CTCF: variants seen among roughly 807,000 people sequenced by gnomAD.
The protein encoded by CTCF is CCCTC-binding factor.
A neutral mutation model predicts 72.3 loss-of-function variants in CTCF; 7 were observed. The observed-to-expected ratio is 0.10, with a 90% CI of 0.06 to 0.18. The LOEUF (loss-of-function observed/expected upper bound fraction) is 0.18, where lower values mean the gene tolerates loss of function less well. Among genes scored for constraint, CTCF ranks in the 10% least tolerant of loss-of-function variants. The pLI is 1.00. For missense variants in CTCF, 516 were observed against 949.1 expected, an observed-to-expected ratio of 0.54 and a Z score of 6.00; for synonymous variants, 374 against 315.8, an observed-to-expected ratio of 1.18 and a Z score of -1.95.
At chr16:67,637,064 G>A (rs550518637) in intron 11 of CTCF, among the ~76,000 whole-genome samples, 1 of 152,308 alleles carries the variant, frequency 6.6e-6, no homozygotes, top group East Asian at 1.9e-4. Context: ...TCAAGAAGAA[G>A]TCCAGAGTAG....
At chr16:67,620,108 T>G (rs1240787103) in intron 5 of CTCF, among the ~76,000 whole-genome samples, 1 of 152,212 alleles carries the variant, frequency 6.6e-6, no homozygotes, top group Non-Finnish European at 1.5e-5. Flanking sequence ...GCATGGATTA[T>G]TTTTAAACTA....
intron 2 of CTCF, 115 bp downstream of exon 2, chr16:67,571,379 T>A (rs1206900050): frequency 6.6e-6 from 1 of 152,456 alleles, no homozygotes; most frequent in African/African-American, 2.4e-5. Flanking sequence ...ATCAGGTGAT[T>A]GAGAGCATAC....
chr16:67,612,114 A>G lies in CTCF; in HGVS notation c.945A>G (p.Thr315=), dbSNP rs1197434367. 1 of 1,611,564 alleles carries G rather than the reference A, an allele frequency of 6.2e-7. No homozygotes were observed. Among genetic ancestry groups the G allele is most frequent in the South Asian group, 1.1e-5 (1 of 90,528 alleles). The change falls in exon 4 of 12, where the codon ACA becomes ACG. Residue 315 remains threonine, a synonymous_variant. Transcript: ENST00000264010. ...TVTLLRNHLN[T]HTGTRPHKCP... is the part of the protein sequence containing the mutation. ...CCCTCCTGAGGAATCACCTTAACAC[A>G]CACACAGGTGCTGGATAAGAATGTT...
intron 5 of CTCF, among the ~76,000 whole-genome samples, chr16:67,617,398 C>G: frequency 6.6e-6 from 1 of 152,168 alleles, no homozygotes; most frequent in East Asian, 1.9e-4. Context: ...ACTCGGGAGG[C>G]TGAGGCAGGA....
intron 4 of CTCF, chr16:67,616,265 A>G (rs2052130149): frequency 1.3e-5 from 2 of 153,846 alleles, no homozygotes; most frequent in African/African-American, 4.8e-5. Context: ...GTGTTTTTAA[A>G]AGAAAGTTGC....
At position 67,621,551 on chromosome 16, in the gene CTCF, T is replaced by C; in HGVS notation, c.1317T>C (p.Cys439=). The C allele has an allele frequency of 6.2e-7, 1 of 1,613,208 alleles. No individual in the cohort carries two copies. The highest frequency in any genetic ancestry group is 8.5e-7 in the Non-Finnish European group (1 of 1,179,310). ...CAGAAAATGTGGCCAAATTTCACTGTCCCCACTGTGACACAGTCATAGCCC... is the reference window on the plus strand; with the variant it reads ...CAGAAAATGTGGCCAAATTTCACTGCCCCCACTGTGACACAGTCATAGCCC... The part of the protein sequence containing the change: ...KHTENVAKFH[C]PHCDTVIARK... Residue 439 remains cysteine, a synonymous_variant, in exon 7 of 12, where the codon TGT becomes TGC. Coordinates refer to ENST00000264010, the MANE Select transcript of CTCF (RefSeq NM_006565.4).
chr16:67,638,070 A>G lies in CTCF; in HGVS notation c.*198A>G, dbSNP rs1195376431. 4.8e-5 allele frequency: 27 copies of G among 566,456 alleles called. No individual in the cohort carries two copies. Among genetic ancestry groups the G allele is most frequent in the South Asian group, 3.5e-4 (14 of 39,448 alleles). 35.1% of individuals were successfully genotyped at this position (566,456 alleles called of 1,614,324 possible). A position where few individuals can be genotyped will look rare whatever the true frequency, so the allele number is the denominator to read the frequency against. ...ACTTGCTGTCTGATGTTAGCAAATC[A>G]TGGAATGTTCTGAGTCCCTGAGGGT... On this transcript the variant is annotated 3_prime_UTR_variant, in exon 12 of 12. Coordinates refer to ENST00000264010, the MANE Select transcript of CTCF (RefSeq NM_006565.4).
chr16:67,586,279 G>A (rs1255546430), intron 2 of CTCF, among the ~76,000 whole-genome samples: 1 of 152,066 alleles, frequency 6.6e-6, no homozygotes, highest in African/African-American at 2.4e-5. Flanking sequence ...GCTCACACCT[G>A]TAATCCCAGC....
intron 1 of CTCF, among the ~76,000 whole-genome samples, chr16:67,570,104 T>C (rs1454537068): frequency 6.9e-6 from 1 of 145,914 alleles, no homozygotes; most frequent in African/African-American, 2.6e-5. Flanking sequence ...TGAGACGGAG[T>C]CTCGCTGTGT....
chr16:67,580,763 C>A lies in CTCF; in HGVS notation c.-10+9499C>A, dbSNP rs868177102. Among the ~76,000 whole-genome samples, 4 of 139,462 alleles carry A rather than the reference C, an allele frequency of 2.9e-5. No homozygotes were observed. The South Asian group carries it at 6.4e-4, about 22-fold the overall frequency. 91.5% of individuals were successfully genotyped at this position (139,462 alleles called of 152,430 possible). A position where few individuals can be genotyped will look rare whatever the true frequency, so the allele number is the denominator to read the frequency against. On this transcript the variant is annotated intron_variant, in intron 2 of 11. Coordinates refer to ENST00000264010, the MANE Select transcript of CTCF (RefSeq NM_006565.4). ...TTTAGTAGAGGCACCTGCCCCAACG[C>A]CTGGCCAAATTTTTTTTTTTTTTTT...
chr16:67,611,531 G>A lies in CTCF; in HGVS notation c.699G>A (p.Gln233=), dbSNP rs2052062606. 6.2e-7 allele frequency: 1 copy of A among 1,614,068 alleles called. No homozygotes were observed. The highest frequency in any genetic ancestry group is 1.7e-5 in the Admixed American group (1 of 59,996). ...VSVYDFEEEQ[Q]EGLLSEVNAE... Reference sequence around the variant, plus strand: ...TCTACGATTTTGAGGAAGAACAGCAGGAGGGTCTGCTATCAGAGGTTAATG... The same window carrying A: ...TCTACGATTTTGAGGAAGAACAGCAAGAGGGTCTGCTATCAGAGGTTAATG... Residue 233 remains glutamine (Q), a synonymous_variant, in exon 3 of 12, where the codon CAG becomes CAA. Transcript: ENST00000264010.
intron 2 of CTCF, among the ~76,000 whole-genome samples, chr16:67,578,166 G>A (rs1326894005): frequency 1.3e-5 from 2 of 151,846 alleles, no homozygotes; most frequent in Non-Finnish European, 2.9e-5. Context: ...AACATGAGGG[G>A]GAAATACTTC....
chr16:67,610,103 C>A (rs533089729), intron 2 of CTCF, among the ~76,000 whole-genome samples: 1 of 152,198 alleles, frequency 6.6e-6, no homozygotes, highest in Non-Finnish European at 1.5e-5. Flanking sequence ...AACTACTGAT[C>A]TACTGGTTCT....
intron 2 of CTCF, among the ~76,000 whole-genome samples, chr16:67,607,162 G>A (rs1218854609): frequency 6.6e-6 from 1 of 151,628 alleles, no homozygotes; most frequent in Non-Finnish European, 1.5e-5. Flanking sequence ...TTGCCGTGTT[G>A]GCCAGGCTTG....
At chr16:67,609,040 A>C (rs1366295654) in intron 2 of CTCF, among the ~76,000 whole-genome samples, 1 of 152,042 alleles carries the variant, frequency 6.6e-6, no homozygotes, top group Admixed American at 6.6e-5. Context: ...CACGTGCTTA[A>C]TAAAGCTACC....
At position 67,621,191 on chromosome 16, in the gene CTCF, C is replaced by G. The variant is rs888707206; in HGVS notation, c.1208-251C>G. 9.9e-6 allele frequency: 4 copies of G among 404,590 alleles called. No homozygotes were observed. The Admixed American group carries it at 1.2e-4, about 12-fold the overall frequency. The allele number at this position is 404,590 out of a possible 1,614,324, so 25.1% of individuals were successfully genotyped here. A position where few individuals can be genotyped will look rare whatever the true frequency, so the allele number is the denominator to read the frequency against. On this transcript the variant is annotated intron_variant, in intron 6 of 11. Coordinates refer to ENST00000264010, the MANE Select transcript of CTCF (RefSeq NM_006565.4). ...TTGTGGGTTCTCCATTCAGTCTCCC[C>G]CAAAGGTAAGCATTGCTGTAATGTG...
At chr16:67,622,214 G>A (rs2052209337) in intron 7 of CTCF, among the ~76,000 whole-genome samples, 3 of 151,950 alleles carry the variant, frequency 2.0e-5, no homozygotes, top group Admixed American at 2.0e-4. Flanking sequence ...AAATTAACTG[G>A]GCATGGTGGT....
At chr16:67,584,157 G>C (rs531297126) in intron 2 of CTCF, among the ~76,000 whole-genome samples, 1 of 151,820 alleles carries the variant, frequency 6.6e-6, no homozygotes. Flanking sequence ...GATCACCTGA[G>C]GTCAGGAGTT....
chr16:67,624,677 C>T (rs1167305828), intron 7 of CTCF, among the ~76,000 whole-genome samples: 2 of 151,898 alleles, frequency 1.3e-5, no homozygotes, highest in South Asian at 2.1e-4. Flanking sequence ...ACTGCAGCAT[C>T]GACCAGGCTC....
Sources: allele counts gnomAD v4.1 joint callset (sites outside exome capture counted in the v4.1 genomes callset), GRCh38; gene constraint gnomAD v4.1.1; transcripts MANE v1.5; gene names NCBI Gene and HGNC (gene_info 2026-07-23, HGNC 2026-07-21).